Variants in MSRA observed in about 807,000 individuals in gnomAD.
MSRA encodes the protein mitochondrial peptide methionine sulfoxide reductase.
A neutral mutation model predicts 31.3 loss-of-function variants in MSRA; 54 were observed. The observed-to-expected ratio is 1.73, with a 90% confidence interval of 1.39 to 2.17. The LOEUF is 2.17. Among genes scored for constraint, MSRA ranks in the 30% most tolerant of loss-of-function variants. The pLI is 0.00. For synonymous variants in MSRA, 169 were observed against 116.5 expected (o/e 1.45, Z -2.90); for missense variants, 507 against 300.9 (o/e 1.69, Z -5.07).
At chr8:10,123,738 A>G (rs968324383) in intron 1 of MSRA, among the ~76,000 whole-genome samples, 2 of 152,092 alleles carry the variant, frequency 1.3e-5, no homozygotes, top group Non-Finnish European at 2.9e-5. Context: ...TCCCGGCACC[A>G]TTTATGGAAT....
chr8:10,187,107 C>T (rs536316423), intron 1 of MSRA, among the ~76,000 whole-genome samples: 1 of 152,294 alleles, frequency 6.6e-6, no homozygotes, highest in East Asian at 1.9e-4. Flanking sequence ...GGGTACCTGG[C>T]AGCATGCTAC....
chr8:10,089,920 C>T (rs918489039), intron 1 of MSRA, among the ~76,000 whole-genome samples: 5 of 152,170 alleles, frequency 3.3e-5, no homozygotes, highest in African/African-American at 1.2e-4. Context: ...GGATATGCCC[C>T]CAGGAGCCGA....
chr8:10,089,090 T>G (rs937274319), intron 1 of MSRA, among the ~76,000 whole-genome samples: 1 of 151,964 alleles, frequency 6.6e-6, no homozygotes, highest in African/African-American at 2.4e-5. Context: ...GTTAATAAAA[T>G]TGTATTAGGG....
intron 5 of MSRA, among the ~76,000 whole-genome samples, chr8:10,359,143 C>A (rs2129163840): frequency 6.6e-6 from 1 of 152,220 alleles, no homozygotes; most frequent in Non-Finnish European, 1.5e-5. Context: ...GGGAAGTTGT[C>A]TTCAGTTATG....
intron 5 of MSRA, among the ~76,000 whole-genome samples, chr8:10,339,323 C>A (rs1009033292): frequency 2.0e-5 from 3 of 152,144 alleles, no homozygotes; most frequent in Non-Finnish European, 4.4e-5. Context: ...CTTCAGAAGG[C>A]AACTCATGTT....
chr8:10,122,532 G>GTTT (rs567032515), intron 1 of MSRA, among the ~76,000 whole-genome samples: 1 of 147,550 alleles, frequency 6.8e-6, no homozygotes, highest in African/African-American at 2.5e-5. Context: ...ATTTTTTTGT[G>GTTT]TTTTTTTTTT....
chr8:10,286,469 T>A (rs914281397), intron 3 of MSRA, among the ~76,000 whole-genome samples: 12 of 152,222 alleles, frequency 7.9e-5, no homozygotes, highest in African/African-American at 2.9e-4. Context: ...CCTCCTTGCC[T>A]CCCACTGTGA....
chr8:10,368,156 G>C (rs1805274752), intron 5 of MSRA, among the ~76,000 whole-genome samples: 1 of 152,196 alleles, frequency 6.6e-6, no homozygotes, highest in African/African-American at 2.4e-5. Flanking sequence ...CAGATCGTGG[G>C]ACAAGTGTAC....
At chr8:10,341,420 T>C (rs1443760455) in intron 5 of MSRA, among the ~76,000 whole-genome samples, 2 of 152,114 alleles carry the variant, frequency 1.3e-5, no homozygotes, top group African/African-American at 2.4e-5. Context: ...AGCCGACTTA[T>C]CACCAAAGAA....
At chr8:10,106,922 C>G (rs1468575527) in intron 1 of MSRA, among the ~76,000 whole-genome samples, 4 of 151,984 alleles carry the variant, frequency 2.6e-5, no homozygotes, top group African/African-American at 9.7e-5. Context: ...ACCCATTCAC[C>G]TACCCCATCT....
At chr8:10,275,941 C>T (rs1358749473) in intron 3 of MSRA, among the ~76,000 whole-genome samples, 2 of 152,178 alleles carry the variant, frequency 1.3e-5, no homozygotes, top group Non-Finnish European at 2.9e-5. Context: ...TCATTAATTG[C>T]TCATGAAAAG....
At chr8:10,375,529 C>T (rs1282350401) in intron 5 of MSRA, among the ~76,000 whole-genome samples, 8 of 152,194 alleles carry the variant, frequency 5.3e-5, no homozygotes, top group South Asian at 2.1e-4. Context: ...CTGGCTGCAC[C>T]TTATCAACAG....
At chr8:10,415,167 G>T (rs1431743197) in intron 5 of MSRA, among the ~76,000 whole-genome samples, 1 of 152,194 alleles carries the variant, frequency 6.6e-6, no homozygotes, top group Admixed American at 6.5e-5. Context: ...GGCCCCAGGA[G>T]GGTGCAGCTT....
At chr8:10,284,772 C>G (rs978311285) in intron 3 of MSRA, among the ~76,000 whole-genome samples, 9 of 152,130 alleles carry the variant, frequency 5.9e-5, no homozygotes, top group African/African-American at 2.2e-4. Context: ...CTGTGCCTAA[C>G]TGTCCTCATC....
At chr8:10,265,824 T>G (rs1442308509) in intron 3 of MSRA, among the ~76,000 whole-genome samples, 1 of 152,142 alleles carries the variant, frequency 6.6e-6, no homozygotes, top group Non-Finnish European at 1.5e-5. Context: ...TCATGACAGG[T>G]GTGTTTGCAT....
intron 2 of MSRA, among the ~76,000 whole-genome samples, chr8:10,216,493 G>C (rs1810003002): frequency 6.6e-6 from 1 of 152,108 alleles, no homozygotes; most frequent in Non-Finnish European, 1.5e-5. Flanking sequence ...CCTTCACATT[G>C]TTTTGTACCC....
At position 10,283,814 on chromosome 8, in the gene MSRA, TATATATATATATATATATATATACACAC is replaced by T. The variant is rs1195563835; in HGVS notation, c.332-17718_332-17691del. 4.4e-4 allele frequency among the ~76,000 whole-genome samples: 19 copies of T among 43,550 alleles called. 1 individual carries two copies. The highest frequency in any genetic ancestry group is 3.8e-3 in the Admixed American group (15 of 3,998). 28.6% of individuals were successfully genotyped at this position (43,550 alleles called of 152,430 possible). A position where few individuals can be genotyped will look rare whatever the true frequency, so the allele number is the denominator to read the frequency against. ...TAGTATTCTATCTCATATATATATA[TATATATATATATATATATATATACACAC>T]ACACACACACACACACACACACACA... On this transcript the variant is annotated intron_variant, in intron 3 of 5. Coordinates refer to ENST00000317173, the MANE Select transcript of MSRA (RefSeq NM_012331.5).
intron 3 of MSRA, among the ~76,000 whole-genome samples, chr8:10,293,541 G>C (rs1393910380): frequency 6.6e-6 from 1 of 152,176 alleles, no homozygotes; most frequent in African/African-American, 2.4e-5. Context: ...TCCCCCACTT[G>C]ATATTTGAAT....
intron 1 of MSRA, among the ~76,000 whole-genome samples, chr8:10,178,526 G>A (rs1460731510): frequency 1.3e-5 from 2 of 152,086 alleles, no homozygotes; most frequent in African/African-American, 2.4e-5. Context: ...ATTTTATAAT[G>A]CGGAAACTAC....
Sources: gnomAD v4.1 joint callset for allele counts (sites outside exome capture counted in the v4.1 genomes callset) on GRCh38, gnomAD v4.1.1 for gene constraint, MANE v1.5 for transcripts, NCBI Gene and HGNC (gene_info 2026-07-23, HGNC 2026-07-21) for gene names.